Variants in CDH13 observed in about 807,000 individuals in gnomAD.
CDH13 encodes cadherin 13.
A neutral mutation model predicts 63.8 loss-of-function variants in CDH13; 24 were observed. The observed-to-expected ratio is 0.38, with a 90% CI of 0.27 to 0.53. CDH13 has a LOEUF of 0.53. Ranked by LOEUF, CDH13 falls within the 20% of genes least tolerant of loss-of-function variation. The pLI is 0.85. For synonymous variants in CDH13, 503 were observed against 355.3 expected, an observed-to-expected ratio of 1.42 and a Z score of -4.67; for missense variants, 1,049 against 903.1, an observed-to-expected ratio of 1.16 and a Z score of -2.07.
chr16:83,347,371 T>A (rs1325100982), intron 6 of CDH13, among the ~76,000 whole-genome samples: 2 of 85,628 alleles, frequency 2.3e-5, no homozygotes, highest in Non-Finnish European at 2.4e-5. Context: ...TGGGTGGGGG[T>A]AGGGGTTGGG....
intron 2 of CDH13, among the ~76,000 whole-genome samples, chr16:82,875,402 A>G (rs187837187): frequency 6.6e-6 from 1 of 152,326 alleles, no homozygotes; most frequent in East Asian, 1.9e-4. Context: ...TACTTAATTA[A>G]AATAGAAGGA....
At chr16:83,058,814 CT>C (rs1320971624) in intron 3 of CDH13, among the ~76,000 whole-genome samples, 1 of 152,224 alleles carries the variant, frequency 6.6e-6, no homozygotes, top group Non-Finnish European at 1.5e-5. Flanking sequence ...CTGACACACG[CT>C]GACCTCACAG....
intron 2 of CDH13, among the ~76,000 whole-genome samples, chr16:82,879,268 T>C (rs2040610175): frequency 6.6e-6 from 1 of 151,984 alleles, no homozygotes; most frequent in Non-Finnish European, 1.5e-5. Context: ...TTAGCTTCTC[T>C]GCACTTTAGG....
chr16:83,457,191 G>C (rs1240371565), intron 6 of CDH13, among the ~76,000 whole-genome samples: 1 of 152,174 alleles, frequency 6.6e-6, no homozygotes, highest in Non-Finnish European at 1.5e-5. Context: ...ATCACTGGGG[G>C]TAATAAGAGC....
At chr16:82,866,368 TTTC>T (rs201574855) in intron 2 of CDH13, among the ~76,000 whole-genome samples, 1 of 133,054 alleles carries the variant, frequency 7.5e-6, no homozygotes, top group Non-Finnish European at 1.5e-5. Flanking sequence ...TTCTTTTCTT[TTTC>T]TTCTTCTTTT....
chr16:83,065,425 C>G (rs13336731), intron 3 of CDH13, among the ~76,000 whole-genome samples: 1 of 152,162 alleles, frequency 6.6e-6, no homozygotes, highest in African/African-American at 2.4e-5. Flanking sequence ...CACTTCCAGG[C>G]TGGGCGTGGT....
At chr16:83,102,673 T>A (rs1326754706) in intron 3 of CDH13, among the ~76,000 whole-genome samples, 1 of 151,986 alleles carries the variant, frequency 6.6e-6, no homozygotes, top group Non-Finnish European at 1.5e-5. Flanking sequence ...AGGAAGAGGA[T>A]GTAGAGGTAT....
intron 1 of CDH13, among the ~76,000 whole-genome samples, chr16:82,673,501 A>C (rs1193935622): frequency 6.6e-6 from 1 of 152,186 alleles, no homozygotes; most frequent in African/African-American, 2.4e-5. Context: ...GATGAACAAG[A>C]TGGACACAAC....
chr16:83,097,663 A>C (rs1430966611), intron 3 of CDH13, among the ~76,000 whole-genome samples: 1 of 152,190 alleles, frequency 6.6e-6, no homozygotes, highest in African/African-American at 2.4e-5. Flanking sequence ...TTTAGAGTTT[A>C]TGTGGGAAGT....
At chr16:82,910,407 C>T (rs373523969) in intron 2 of CDH13, among the ~76,000 whole-genome samples, 102 of 152,296 alleles carry the variant, frequency 6.7e-4, no homozygotes, top group African/African-American at 2.3e-3. Context: ...CTTATCCCTC[C>T]AGCCCCTACC....
intron 1 of CDH13, among the ~76,000 whole-genome samples, chr16:82,728,356 G>A (rs1419415940): frequency 2.6e-5 from 4 of 151,958 alleles, no homozygotes; most frequent in Non-Finnish European, 4.4e-5. Flanking sequence ...CCTCCCCAGC[G>A]ACACGGTACA....
chr16:82,691,441 G>T (rs1915637221), intron 1 of CDH13, among the ~76,000 whole-genome samples: 1 of 152,134 alleles, frequency 6.6e-6, no homozygotes, highest in South Asian at 2.1e-4. Context: ...GGGTGTCCCA[G>T]CCTCCCTGCC....
intron 4 of CDH13, among the ~76,000 whole-genome samples, chr16:83,143,586 G>T (rs2036625089): frequency 6.6e-6 from 1 of 152,160 alleles, no homozygotes; most frequent in African/African-American, 2.4e-5. Flanking sequence ...ATCTTAAACA[G>T]AAGTTAACAT....
At chr16:83,553,659 C>T (rs1038162599) in intron 7 of CDH13, among the ~76,000 whole-genome samples, 3 of 152,190 alleles carry the variant, frequency 2.0e-5, no homozygotes, top group African/African-American at 7.2e-5. Context: ...TGGGTTCAAG[C>T]CATTTTCCTG....
chr16:83,374,298 T>G (rs1262317878), intron 6 of CDH13, among the ~76,000 whole-genome samples: 1 of 152,216 alleles, frequency 6.6e-6, no homozygotes, highest in Non-Finnish European at 1.5e-5. Flanking sequence ...ATTTAACTAT[T>G]GTAAATGAAT....
intron 1 of CDH13, among the ~76,000 whole-genome samples, chr16:82,635,550 G>A (rs1372673931): frequency 1.3e-5 from 2 of 152,320 alleles, no homozygotes; most frequent in East Asian, 3.9e-4. Context: ...TGAGGGTACT[G>A]AGGGAAAGGT....
rs535497808 is a variant in CDH13 at position 83,194,302 on chromosome 16, C to CAAGGATG, written c.484-23041_484-23035dup. 2.8e-4 allele frequency among the ~76,000 whole-genome samples: 43 copies of CAAGGATG among 152,298 alleles called. No individual in the cohort carries two copies. In the East Asian group the frequency reaches 8.1e-3, roughly 29 times the overall value. On this transcript the variant is annotated intron_variant, in intron 4 of 13. Transcript: ENST00000567109. ...ACCTCAGCTTTTAGGACTCACAATG[C>CAAGGATG]AAGGATGATCACGCTTGCTGTTAGC...
chr16:83,248,908 C>T (rs1175449699), intron 5 of CDH13, among the ~76,000 whole-genome samples: 3 of 152,196 alleles, frequency 2.0e-5, no homozygotes, highest in African/African-American at 7.2e-5. Context: ...CCCCTTGGTG[C>T]ATATCCAAAC....
chr16:83,163,733 G>T (rs1268759348), intron 4 of CDH13, among the ~76,000 whole-genome samples: 2 of 152,040 alleles, frequency 1.3e-5, no homozygotes, highest in Non-Finnish European at 2.9e-5. Flanking sequence ...GTGGGTTCTT[G>T]AGCTGTCATA....
Sources: gnomAD v4.1 joint callset for allele counts (sites outside exome capture counted in the v4.1 genomes callset) on GRCh38, gnomAD v4.1.1 for gene constraint, MANE v1.5 for transcripts, NCBI Gene and HGNC (gene_info 2026-07-23, HGNC 2026-07-21) for gene names.